Variants in LRBA observed in about 807,000 individuals in gnomAD.
LRBA encodes the protein lipopolysaccharide-responsive and beige-like anchor protein.
A neutral mutation model predicts 330.0 loss-of-function variants in LRBA; 176 were observed. That is an observed-to-expected ratio of 0.53 (90% confidence interval 0.47 to 0.60). The LOEUF (loss-of-function observed/expected upper bound fraction) is 0.60. Ranked by LOEUF, LRBA falls within the 20% of genes least tolerant of loss-of-function variation. The pLI is 0.00. For synonymous variants in LRBA, 1,230 were observed against 1,193.0 expected (o/e 1.03, Z -0.64); for missense variants, 3,259 against 3,444.8 (o/e 0.95, Z 1.35).
intron 37 of LRBA, among the ~76,000 whole-genome samples, chr4:150,615,817 A>G (rs1194867695): frequency 1.3e-5 from 2 of 152,002 alleles, no homozygotes; most frequent in East Asian, 3.9e-4. Context: ...ACTGAGTTGT[A>G]GCCAGTGACA....
intron 47 of LRBA, among the ~76,000 whole-genome samples, chr4:150,381,585 T>A (rs562567851): frequency 1.2e-4 from 19 of 152,360 alleles, no homozygotes; most frequent in Non-Finnish European, 2.4e-4. Flanking sequence ...ATTGTGTTAA[T>A]CCATTATTAA....
chr4:150,843,345 T>C (rs1234251039), intron 28 of LRBA, among the ~76,000 whole-genome samples: 3 of 152,194 alleles, frequency 2.0e-5, no homozygotes, highest in Non-Finnish European at 4.4e-5. Context: ...AAGAAATATA[T>C]ATGTAAAACA....
In LRBA at chr4:150,774,091, A is replaced by T. The variant is rs1365084568; in HGVS notation, c.5581-12244T>A. ...ACATAGACATCTTTCTATCTTAGAA[A>T]AAGACTCCATTTTATATTTCATGGA... On this transcript the variant is annotated intron_variant, in intron 34 of 56. Transcript: ENST00000651943. Among the ~76,000 whole-genome samples, 35 of 152,216 alleles carry T rather than the reference A, an allele frequency of 2.3e-4. 2 individuals are homozygous for T. Among genetic ancestry groups the T allele is most frequent in the Admixed American group, 2.3e-3 (35 of 15,280 alleles).
At chr4:150,639,787 GTGTGTATATATA>G (rs1561457500) in intron 37 of LRBA, among the ~76,000 whole-genome samples, 4 of 16,220 alleles carry the variant, frequency 2.5e-4, no homozygotes, top group East Asian at 1.7e-3. Flanking sequence ...ATATATGTGT[GTGTGTATATATA>G]TATATATGTG....
intron 2 of LRBA, among the ~76,000 whole-genome samples, chr4:151,003,284 C>G (rs963010591): frequency 2.6e-5 from 4 of 151,086 alleles, no homozygotes; most frequent in African/African-American, 9.7e-5. Flanking sequence ...GTAATACCAG[C>G]TACTTGGGAG....
At chr4:150,830,757 CTTTTTT>C (rs57178610) in intron 29 of LRBA, among the ~76,000 whole-genome samples, 1 of 81,988 alleles carries the variant, frequency 1.2e-5, no homozygotes, top group South Asian at 4.1e-4. Flanking sequence ...TACAGAGTTA[CTTTTTT>C]TTTTTTTTTT....
At chr4:150,920,712 A>C (rs1275293359) in intron 5 of LRBA, among the ~76,000 whole-genome samples, 1 of 152,228 alleles carries the variant, frequency 6.6e-6, no homozygotes, top group Non-Finnish European at 1.5e-5. Context: ...TCTTATGTAT[A>C]AACTGATTAA....
At chr4:150,666,085 G>A (rs183688227) in intron 37 of LRBA, among the ~76,000 whole-genome samples, 70 of 152,210 alleles carry the variant, frequency 4.6e-4, no homozygotes, top group African/African-American at 1.4e-3. Flanking sequence ...GAGTAATCAC[G>A]AAAGGGTAGG....
chr4:150,797,739 C>A (rs1278576880), intron 34 of LRBA, among the ~76,000 whole-genome samples: 1 of 151,980 alleles, frequency 6.6e-6, no homozygotes, highest in Non-Finnish European at 1.5e-5. Flanking sequence ...CCCATAATTC[C>A]CAGTGGAGTC....
At chr4:150,977,494 C>G (rs917895114) in intron 2 of LRBA, among the ~76,000 whole-genome samples, 1 of 152,170 alleles carries the variant, frequency 6.6e-6, no homozygotes, top group Non-Finnish European at 1.5e-5. Context: ...GAACCAGAAG[C>G]AACATCCAAG....
At position 150,953,274 on chromosome 4, in the gene LRBA, T is replaced by C. The variant is rs117710530; in HGVS notation, c.217-24209A>G. 3.9e-5 allele frequency among the ~76,000 whole-genome samples: 6 copies of C among 152,202 alleles called. No homozygotes were observed. The East Asian group carries it at 7.7e-4, about 20-fold the overall frequency. On this transcript the variant is annotated intron_variant, in intron 2 of 56. Coordinates refer to ENST00000651943, the MANE Select transcript of LRBA (RefSeq NM_001364905.1). ...AACCAACTAACCTCACGAACATCTATAGGATATTTATTCTCCAGGATAGAC... is the reference window on the plus strand; with the variant it reads ...AACCAACTAACCTCACGAACATCTACAGGATATTTATTCTCCAGGATAGAC...
At chr4:150,566,192 G>A (rs772515692) in intron 40 of LRBA, among the ~76,000 whole-genome samples, 4 of 152,096 alleles carry the variant, frequency 2.6e-5, no homozygotes, top group Non-Finnish European at 5.9e-5. Flanking sequence ...CTGGGCTCCA[G>A]CCTGAGAGAC....
At chr4:150,957,080 A>G (rs1210361752) in intron 2 of LRBA, among the ~76,000 whole-genome samples, 3 of 149,064 alleles carry the variant, frequency 2.0e-5, no homozygotes, top group Admixed American at 6.6e-5. Flanking sequence ...GACCAACACA[A>G]TAACAATGAA....
At chr4:150,384,536 T>C (rs1742771080) in intron 47 of LRBA, among the ~76,000 whole-genome samples, 1 of 152,156 alleles carries the variant, frequency 6.6e-6, no homozygotes. Flanking sequence ...ATCTAACTTC[T>C]TATGGGCTAA....
At chr4:150,948,701 A>T (rs1162313836) in intron 2 of LRBA, among the ~76,000 whole-genome samples, 1 of 151,988 alleles carries the variant, frequency 6.6e-6, no homozygotes, top group African/African-American at 2.4e-5. Flanking sequence ...CTGCAAACCA[A>T]ATATCTGACA....
chr4:150,613,646 T>C (rs975668537), intron 37 of LRBA, among the ~76,000 whole-genome samples: 1 of 152,200 alleles, frequency 6.6e-6, no homozygotes, highest in African/African-American at 2.4e-5. Flanking sequence ...CATGGGTAGT[T>C]ACAAAACCTT....
intron 34 of LRBA, among the ~76,000 whole-genome samples, chr4:150,780,630 CGTATATATATATATATGT>C (rs1738039408): frequency 8.6e-5 from 4 of 46,566 alleles, no homozygotes; most frequent in Admixed American, 7.1e-4. Flanking sequence ...TATATATACA[CGTATATATATATATATGT>C]GTATATATAT....
chr4:150,471,623 C>A lies in LRBA; in HGVS notation c.6667+1G>T. On this transcript the variant is annotated splice_donor_variant, in intron 43 of 56. Coordinates refer to ENST00000651943, the MANE Select transcript of LRBA (RefSeq NM_001364905.1). LOFTEE classifies it high-confidence loss of function. ...TAAATCAATACATGGAATTAGGTTA[C>A]CTGCTATCGTGTTGAGAAACATCAA... 6.7e-7 allele frequency: 1 copy of A among 1,503,688 alleles called. No individual in the cohort carries two copies. The highest frequency in any genetic ancestry group is 9.1e-7 in the Non-Finnish European group (1 of 1,097,258). The allele number at this position is 1,503,688 out of a possible 1,614,324, so 93.1% of individuals were successfully genotyped here.
At chr4:150,547,565 CT>C (rs1766002465) in intron 40 of LRBA, among the ~76,000 whole-genome samples, 1 of 152,164 alleles carries the variant, frequency 6.6e-6, no homozygotes, top group South Asian at 2.1e-4. Context: ...CACATTCCCT[CT>C]TGCTATCTGG....
Sources: allele counts gnomAD v4.1 joint callset (sites outside exome capture counted in the v4.1 genomes callset), GRCh38; gene constraint gnomAD v4.1.1; transcripts MANE v1.5; gene names NCBI Gene and HGNC (gene_info 2026-07-23, HGNC 2026-07-21).